The following OXNAD1 variants were observed in gnomAD, a reference collection of about 807,000 sequenced individuals.
OXNAD1 encodes oxidoreductase NAD-binding domain-containing protein 1.
OXNAD1 carries 34 observed loss-of-function variants against 32.9 expected under a neutral mutation model. The observed-to-expected ratio is 1.03, with a 90% confidence interval of 0.79 to 1.38. OXNAD1 has a LOEUF of 1.38. Ranked by LOEUF, OXNAD1 falls within the 40% of genes most tolerant of loss-of-function variation. OXNAD1 has a pLI of 0.00. For synonymous variants in OXNAD1, 134 were observed against 135.2 expected, an observed-to-expected ratio of 0.99 and a Z score of 0.06; for missense variants, 407 against 379.4, an observed-to-expected ratio of 1.07 and a Z score of -0.60.
chr3:16,350,770 T>C (rs2072044248), downstream of OXNAD1, among the ~76,000 whole-genome samples: 1 of 152,288 alleles, frequency 6.6e-6, no homozygotes, highest in Admixed American at 6.5e-5. Flanking sequence ...AAATCATCCC[T>C]ATCACAGGAA....
downstream of OXNAD1, among the ~76,000 whole-genome samples, chr3:16,308,452 AT>A (rs146256314): frequency 5.4e-5 from 8 of 148,292 alleles, no homozygotes; most frequent in East Asian, 2.0e-4. This position sits in a 1 kb window ranked among gnomAD's most constrained non-coding sequence, Gnocchi z 4.4. Context: ...TGTTGCTCCT[AT>A]TTTTTTTTTC....
rs113159278 is a variant in OXNAD1, at chr3:16,320,451, G to C, written c.*31-16661G>C. 2.5e-3 allele frequency among the ~76,000 whole-genome samples: 373 copies of C among 152,242 alleles called. No individual in the cohort carries two copies. The highest frequency in any genetic ancestry group is 4.6e-3 in the Non-Finnish European group (311 of 68,010). On this transcript the variant is annotated intron_variant, in intron 9 of 9. Coordinates refer to the OXNAD1 transcript ENST00000435829. The surrounding 1 kb of genome is among the most constrained non-coding windows in gnomAD (Gnocchi z 4.5). ...AAGCTGATTACTCATTCATTGATTCGACAAGTATCTGTTGAGCACCAACTA... is the reference window on the plus strand; with the variant it reads ...AAGCTGATTACTCATTCATTGATTCCACAAGTATCTGTTGAGCACCAACTA...
In OXNAD1 at chr3:16,344,106, T is replaced by C. The variant is rs2071484493; in HGVS notation, c.*31-5070T>C. Reference sequence around the variant, plus strand: ...AGACATTCTTGGCCTGTATTAACTCTTTTTCATTGGAATTGCTGTCAAATC... The same window carrying C: ...AGACATTCTTGGCCTGTATTAACTCCTTTTCATTGGAATTGCTGTCAAATC... On this transcript the variant is annotated intron_variant, in intron 9 of 9. Transcript: ENST00000606098. The surrounding 1 kb of genome is among the most constrained non-coding windows in gnomAD (Gnocchi z 4.4). Among the ~76,000 whole-genome samples the C allele has an allele frequency of 6.6e-6, 1 of 152,224 alleles. No individual in the cohort carries two copies. Among genetic ancestry groups the C allele is most frequent in the African/African-American group, 2.4e-5 (1 of 41,454 alleles).
chr3:16,285,369 A>G (rs1361296124), intron 4 of OXNAD1, among the ~76,000 whole-genome samples: 3 of 152,196 alleles, frequency 2.0e-5, no homozygotes, highest in East Asian at 1.9e-4. Flanking sequence ...TGAAGGTCAC[A>G]CTTTCCAAGG....
At chr3:16,324,192 AGT>A (rs1478875573) in intron 9 of OXNAD1, among the ~76,000 whole-genome samples, 3 of 152,152 alleles carry the variant, frequency 2.0e-5, no homozygotes, top group Non-Finnish European at 4.4e-5. Context: ...TATGGGGTAG[AGT>A]GTGATGTTTT....
chr3:16,317,146 T>G lies in OXNAD1; in HGVS notation c.*30+13554T>G, dbSNP rs144033936. Reference sequence around the variant, plus strand: ...CTAAGTTCTTCTCATTTTCTTCTGCTTGTTGTTTGTCTCTGGCACTGAGTT... The same window carrying G: ...CTAAGTTCTTCTCATTTTCTTCTGCGTGTTGTTTGTCTCTGGCACTGAGTT... On this transcript the variant is annotated intron_variant, in intron 9 of 9. Coordinates refer to the OXNAD1 transcript ENST00000435829. The surrounding 1 kb of genome is among the most constrained non-coding windows in gnomAD (Gnocchi z 4.3). 52 of 1,613,738 alleles carry G rather than the reference T, an allele frequency of 3.2e-5. No homozygotes were observed. In the African/African-American group the frequency reaches 5.9e-4, roughly 18 times the overall value.
At position 16,268,313 on chromosome 3, in the gene OXNAD1, CTTTTTTTTTT is replaced by C. The variant is rs531751365; in HGVS notation, c.-158-789_-158-780del. On this transcript the variant is annotated intron_variant, in intron 1 of 8. Transcript: ENST00000285083. ...AATCTTAGGATTTTAAAGAGAACTC[CTTTTTTTTTT>C]TTTTTTTTTTTTTTTTTTTTTTTGA... Among the ~76,000 whole-genome samples the C allele has an allele frequency of 3.2e-3, 196 of 61,004 alleles. 3 individuals carry two copies. Among genetic ancestry groups the C allele is most frequent in the African/African-American group, 8.5e-3 (174 of 20,416 alleles). 40.0% of individuals were successfully genotyped at this position (61,004 alleles called of 152,430 possible). A position where few individuals can be genotyped will look rare whatever the true frequency, so the allele number is the denominator to read the frequency against.
chr3:16,308,401 G>A (rs143526842), downstream of OXNAD1, among the ~76,000 whole-genome samples: 610 of 152,248 alleles, frequency 4.0e-3, 3 homozygotes, highest in Non-Finnish European at 7.0e-3. This position sits in a 1 kb window ranked among gnomAD's most constrained non-coding sequence, Gnocchi z 4.4. Context: ...GCACAAACAC[G>A]TGTGGATGCA....
chr3:16,292,964 C>CAAATGT (rs1450230589), intron 5 of OXNAD1, among the ~76,000 whole-genome samples: 3 of 152,182 alleles, frequency 2.0e-5, no homozygotes, highest in Non-Finnish European at 2.9e-5. Flanking sequence ...GTGAGTCCTA[C>CAAATGT]AAATGTAAAC....
chr3:16,310,109 G>A (rs1404441865), downstream of OXNAD1, among the ~76,000 whole-genome samples: 3 of 152,234 alleles, frequency 2.0e-5, no homozygotes, highest in East Asian at 1.9e-4. Context: ...TGGAATTACC[G>A]TTAGTAAGAA....
In OXNAD1 at chr3:16,342,658, G is replaced by T. The variant is rs1262866793; in HGVS notation, c.*31-6518G>T. 6.6e-6 allele frequency among the ~76,000 whole-genome samples: 1 copy of T among 152,156 alleles called. No individual in the cohort carries two copies. Among genetic ancestry groups the T allele is most frequent in the Non-Finnish European group, 1.5e-5 (1 of 68,034 alleles). On this transcript the variant is annotated intron_variant, in intron 9 of 9. Transcript: ENST00000606098. The surrounding 1 kb of genome is among the most constrained non-coding windows in gnomAD (Gnocchi z 4.0). ...TAAGAATGAAAGCAGAGGCCTCTTGGCCTCACTAGACTAGTTCTCAAGCCT... is the reference window on the plus strand; with the variant it reads ...TAAGAATGAAAGCAGAGGCCTCTTGTCCTCACTAGACTAGTTCTCAAGCCT...
Position 16,279,436 on chromosome 3 carries a change from G to A in OXNAD1, c.184-6906G>A, listed in dbSNP as rs561869019. 2.6e-5 allele frequency among the ~76,000 whole-genome samples: 4 copies of A among 152,228 alleles called. No homozygotes were observed. In the East Asian group the frequency reaches 7.7e-4, roughly 29 times the overall value. On this transcript the variant is annotated intron_variant, in intron 4 of 8. Transcript: ENST00000285083. The stretch of plus-strand genomic sequence containing the variant: ...TCTAGCACAGTGCCGGAGAAAAAAA[G>A]AGTTCCCTGTTGGCTGTGTTAAATT...
At position 16,302,486 on chromosome 3, in the gene OXNAD1, C is replaced by G. The variant is rs556893568; in HGVS notation, c.676-154C>G. Among the ~76,000 whole-genome samples, 6 of 152,316 alleles carry G rather than the reference C, an allele frequency of 3.9e-5. No homozygotes were observed. Among genetic ancestry groups the G allele is most frequent in the Admixed American group, 1.3e-4 (2 of 15,300 alleles). ...AATAGCCCTCTGTAGTCTGAATGCTCTGGCCTGCTAGGCTGCAAACAATAT... is the reference window on the plus strand; with the variant it reads ...AATAGCCCTCTGTAGTCTGAATGCTGTGGCCTGCTAGGCTGCAAACAATAT... On this transcript the variant is annotated intron_variant, in intron 7 of 8. Transcript: ENST00000285083. This position sits in a 1 kb window ranked among gnomAD's most constrained non-coding sequence, Gnocchi z 4.2.
At position 16,294,843 on chromosome 3, in the gene OXNAD1, G is replaced by A; in HGVS notation, c.291-13G>A. On this transcript the variant is annotated splice_polypyrimidine_tract_variant and intron_variant, in intron 5 of 8. Transcript: ENST00000285083. ...TGCTTCAACAATAATCATTTATTTGGCTTTCTTTTTAGGGTTGATTTCTTT... is the reference window on the plus strand; with the variant it reads ...TGCTTCAACAATAATCATTTATTTGACTTTCTTTTTAGGGTTGATTTCTTT... 1 of 1,576,222 alleles carries A rather than the reference G, an allele frequency of 6.3e-7. No individual in the cohort carries two copies. Among genetic ancestry groups the A allele is most frequent in the Non-Finnish European group, 8.6e-7 (1 of 1,161,332 alleles).
chr3:16,274,230 A>G (rs1243513873), intron 4 of OXNAD1, among the ~76,000 whole-genome samples: 3 of 151,850 alleles, frequency 2.0e-5, no homozygotes, highest in Non-Finnish European at 4.4e-5. Context: ...AAATATATTT[A>G]AAATTAACCT....
At chr3:16,311,174 CT>C (rs1367326838) in intron 9 of OXNAD1, among the ~76,000 whole-genome samples, 1 of 138,938 alleles carries the variant, frequency 7.2e-6, no homozygotes, top group Non-Finnish European at 1.5e-5. Flanking sequence ...TTCTTTGGGT[CT>C]TTTTTTAAAA....
intron 9 of OXNAD1, among the ~76,000 whole-genome samples, chr3:16,331,682 G>A (rs185642733): frequency 3.3e-5 from 5 of 152,284 alleles, no homozygotes; most frequent in Non-Finnish European, 7.3e-5. Flanking sequence ...CATCATTTCT[G>A]AAACTTTGCT....
downstream of OXNAD1, among the ~76,000 whole-genome samples, chr3:16,308,935 T>TTTGGTCATA (rs2067764642): frequency 1.3e-5 from 2 of 152,180 alleles, no homozygotes; most frequent in African/African-American, 4.8e-5. This position sits in a 1 kb window ranked among gnomAD's most constrained non-coding sequence, Gnocchi z 4.4. Flanking sequence ...TTAAATAATT[T>TTTGGTCATA]TTTAATTACC....
Position 16,348,308 on chromosome 3 carries a change from T to C in OXNAD1, c.*31-868T>C, listed in dbSNP as rs898862186. ...CGTCTAGGAGATCACCCACATTATC[T>C]ATTATTGAAGGCATCTAGGAGATCA... is the stretch of plus-strand genomic sequence containing the variant. On this transcript the variant is annotated intron_variant, in intron 9 of 9. Transcript: ENST00000606098. This position sits in a 1 kb window ranked among gnomAD's most constrained non-coding sequence, Gnocchi z 6.3. Among the ~76,000 whole-genome samples, 1 of 152,022 alleles carries C rather than the reference T, an allele frequency of 6.6e-6. No homozygotes were observed. Among genetic ancestry groups the C allele is most frequent in the African/African-American group, 2.4e-5 (1 of 41,388 alleles).
Sources: gnomAD v4.1 joint callset for allele counts (sites outside exome capture counted in the v4.1 genomes callset) on GRCh38, gnomAD v4.1.1 for gene constraint, Gnocchi (gnomAD v3.1) non-coding constraint, MANE v1.5 for transcripts, NCBI Gene and HGNC (gene_info 2026-07-23, HGNC 2026-07-21) for gene names.